Variants in PRIM2 observed in about 807,000 individuals in gnomAD.
PRIM2 encodes DNA primase subunit 2.
A neutral mutation model predicts 67.3 loss-of-function variants in PRIM2; 39 were observed. The ratio of observed to expected loss-of-function variants is 0.58; its 90% CI spans 0.45 to 0.76. The LOEUF (loss-of-function observed/expected upper bound fraction) is 0.76, where lower values mean the gene tolerates loss of function less well. Among genes scored for constraint, PRIM2 ranks in the 30% least tolerant of loss-of-function variants. PRIM2 has a pLI of 0.00. For missense variants in PRIM2, 398 were observed against 598.7 expected, an observed-to-expected ratio of 0.66 and a Z score of 3.50; for synonymous variants, 143 against 198.7, an observed-to-expected ratio of 0.72 and a Z score of 2.36.
the PRIM2 span, among the ~76,000 whole-genome samples, chr6:57,273,593 T>C: frequency 9.9e-5 from 15 of 151,714 alleles, no homozygotes; most frequent in Admixed American, 9.8e-4. Context: ...TAGCTTGGAG[T>C]AGTTTGATCA....
chr6:57,312,361 T>C (rs1320937751), upstream of PRIM2, among the ~76,000 whole-genome samples: 1 of 151,830 alleles, frequency 6.6e-6, no homozygotes, highest in Non-Finnish European at 1.5e-5. Flanking sequence ...AATCAGCCAG[T>C]CTTGGTGGCA....
chr6:57,467,105 CAAA>C (rs1268292523), intron 7 of PRIM2, among the ~76,000 whole-genome samples: 3 of 94,280 alleles, frequency 3.2e-5, no homozygotes, highest in Admixed American at 1.2e-4. Context: ...AACTCCATCT[CAAA>C]AAAAAAAAAA....
At chr6:57,267,550 G>C in the PRIM2 span, among the ~76,000 whole-genome samples, 1 of 151,730 alleles carries the variant, frequency 6.6e-6, no homozygotes, top group South Asian at 2.1e-4. Flanking sequence ...AAAAATTTGG[G>C]GAGCATTGCT....
At chr6:57,363,901 C>T (rs573424207) in intron 5 of PRIM2, among the ~76,000 whole-genome samples, 101 of 152,176 alleles carry the variant, frequency 6.6e-4, no homozygotes, top group African/African-American at 2.3e-3. Context: ...TATTTTAGGT[C>T]TTCTTAGTCA....
chr6:57,286,367 G>C, the PRIM2 span, among the ~76,000 whole-genome samples: 2 of 152,112 alleles, frequency 1.3e-5, no homozygotes, highest in Non-Finnish European at 2.9e-5. Flanking sequence ...ATACTACAAG[G>C]CTACAGTAAC....
chr6:57,529,048 C>T (rs1388296237), intron 8 of PRIM2, among the ~76,000 whole-genome samples: 5 of 152,276 alleles, frequency 3.3e-5, no homozygotes, highest in African/African-American at 1.2e-4. Flanking sequence ...CAGTGGCTCA[C>T]GCCTGTAATC....
the PRIM2 span, among the ~76,000 whole-genome samples, chr6:57,286,377 C>T: frequency 6.6e-6 from 1 of 152,118 alleles, no homozygotes; most frequent in Non-Finnish European, 1.5e-5. Context: ...GCTACAGTAA[C>T]CAAAACAGCA....
chr6:57,492,670 CAT>C (rs1773924960), intron 7 of PRIM2, among the ~76,000 whole-genome samples: 2 of 151,996 alleles, frequency 1.3e-5, no homozygotes, highest in African/African-American at 4.8e-5. Flanking sequence ...AGATATTTTA[CAT>C]TCTTTTCTCT....
chr6:57,496,675 A>G (rs1774012139), intron 7 of PRIM2, among the ~76,000 whole-genome samples: 1 of 152,210 alleles, frequency 6.6e-6, no homozygotes, highest in Non-Finnish European at 1.5e-5. Flanking sequence ...GTTTAGGTAA[A>G]TATGGTATAG....
intron 10 of PRIM2, among the ~76,000 whole-genome samples, chr6:57,549,279 C>A (rs1402186931): frequency 2.6e-5 from 4 of 152,190 alleles, no homozygotes; most frequent in African/African-American, 9.7e-5. Context: ...CACACCACCA[C>A]CATGAGGTAA....
upstream of PRIM2, among the ~76,000 whole-genome samples, chr6:57,311,439 G>A (rs889867144): frequency 1.1e-4 from 17 of 147,930 alleles, no homozygotes; most frequent in Admixed American, 8.0e-4. Flanking sequence ...CGGGGCAGCC[G>A]GGCAGAGGTG....
At chr6:57,284,660 C>T in the PRIM2 span, among the ~76,000 whole-genome samples, 31 of 152,192 alleles carry the variant, frequency 2.0e-4, no homozygotes, top group Admixed American at 4.6e-4. Context: ...AATATCAAGA[C>T]GTTCCATAAA....
chr6:57,250,015 C>G, the PRIM2 span, among the ~76,000 whole-genome samples: 7 of 152,188 alleles, frequency 4.6e-5, no homozygotes, highest in Admixed American at 6.5e-5. Context: ...TGTGTTAGTG[C>G]AAGTTCCACT....
chr6:57,340,048 C>G (rs1247227009), intron 5 of PRIM2, among the ~76,000 whole-genome samples: 1 of 151,744 alleles, frequency 6.6e-6, no homozygotes, highest in South Asian at 2.1e-4. Context: ...GGGCAAAGGA[C>G]ATGAACAGAC....
chr6:57,422,158 C>CTTTTTTTTGTTTTTTTTTTTTT (rs1771486266), intron 7 of PRIM2, among the ~76,000 whole-genome samples: 1 of 103,318 alleles, frequency 9.7e-6, no homozygotes, highest in Non-Finnish European at 1.9e-5. Flanking sequence ...TCTTTTCTTT[C>CTTTTTTTTGTTTTTTTTTTTTT]TTTTTTTTTT....
intron 5 of PRIM2, among the ~76,000 whole-genome samples, chr6:57,346,119 A>G (rs910242029): frequency 4.6e-5 from 7 of 152,012 alleles, no homozygotes; most frequent in African/African-American, 1.7e-4. Context: ...TTGTCTTGTC[A>G]TAGCCAGTCT....
chr6:57,416,700 T>G (rs1302047673), intron 7 of PRIM2, among the ~76,000 whole-genome samples: 1 of 152,218 alleles, frequency 6.6e-6, no homozygotes, highest in Non-Finnish European at 1.5e-5. Context: ...CTGGATAACT[T>G]GCTGCAGCTT....
intron 10 of PRIM2, among the ~76,000 whole-genome samples, chr6:57,593,955 T>G (rs1237592586): frequency 3.1e-4 from 47 of 152,198 alleles, no homozygotes; most frequent in African/African-American, 1.1e-3. Context: ...TTTAACAGAA[T>G]AGCTTACCAA....
At chr6:57,243,382 G>T in the PRIM2 span, among the ~76,000 whole-genome samples, 1 of 152,188 alleles carries the variant, frequency 6.6e-6, no homozygotes. Context: ...AATGATGTTG[G>T]TCCCTAAGAT....
Sources: allele counts gnomAD v4.1 joint callset (sites outside exome capture counted in the v4.1 genomes callset), GRCh38; gene constraint gnomAD v4.1.1; transcripts MANE v1.5; gene names NCBI Gene and HGNC (gene_info 2026-07-23, HGNC 2026-07-21).